The following PIBF1 variants were observed in gnomAD, a reference collection of about 807,000 sequenced individuals.
The protein encoded by PIBF1 is progesterone-induced-blocking factor 1.
In PIBF1, 90 loss-of-function variants were observed where a neutral mutation model predicts 112.5. The ratio of observed to expected loss-of-function variants is 0.80; its 90% CI spans 0.67 to 0.95. The LOEUF (loss-of-function observed/expected upper bound fraction) is 0.95. Among genes scored for constraint, PIBF1 ranks in the 40% least tolerant of loss-of-function variants. PIBF1 has a pLI of 0.00. For missense variants in PIBF1, 915 were observed against 852.3 expected (o/e 1.07, Z -0.92); for synonymous variants, 301 against 288.6 (o/e 1.04, Z -0.44).
intron 17 of PIBF1, among the ~76,000 whole-genome samples, chr13:73,013,782 G>A (rs1358448623): frequency 2.0e-5 from 3 of 149,498 alleles, no homozygotes; most frequent in Non-Finnish European, 3.0e-5. Flanking sequence ...AAAGAAGCCC[G>A]AGGAAAATAA....
chr13:72,870,035 G>T (rs1035190946), intron 10 of PIBF1, among the ~76,000 whole-genome samples: 4 of 151,904 alleles, frequency 2.6e-5, no homozygotes, highest in Non-Finnish European at 5.9e-5. Flanking sequence ...ATTTTTAATT[G>T]CAGATACCAT....
At chr13:72,890,295 A>G (rs2040010626) in intron 10 of PIBF1, among the ~76,000 whole-genome samples, 1 of 152,074 alleles carries the variant, frequency 6.6e-6, no homozygotes, top group South Asian at 2.1e-4. Context: ...AGTTTAATTC[A>G]TCCTAGCCTG....
chr13:72,950,686 A>G (rs1334597172), intron 14 of PIBF1, among the ~76,000 whole-genome samples: 1 of 152,194 alleles, frequency 6.6e-6, no homozygotes, highest in African/African-American at 2.4e-5. Flanking sequence ...CATTCTTTCA[A>G]CAAATATTTA....
intron 13 of PIBF1, among the ~76,000 whole-genome samples, chr13:72,918,122 C>A (rs147068570): frequency 1.3e-5 from 2 of 152,148 alleles, no homozygotes; most frequent in Admixed American, 1.3e-4. Context: ...AAACATCTCA[C>A]GGCCCCATTC....
chr13:72,852,845 A>AAAAAGCCAG (rs1353970684), intron 9 of PIBF1, among the ~76,000 whole-genome samples: 2 of 152,206 alleles, frequency 1.3e-5, no homozygotes, highest in East Asian at 3.9e-4. Context: ...GGCATGATGT[A>AAAAAGCCAG]AAAAGCCCTG....
intron 16 of PIBF1, among the ~76,000 whole-genome samples, chr13:72,988,918 A>T (rs554375938): frequency 6.6e-6 from 1 of 152,212 alleles, no homozygotes; most frequent in African/African-American, 2.4e-5. Flanking sequence ...CACCCTTGTA[A>T]TCCCAGGTAC....
chr13:72,993,141 G>A (rs1178378170), intron 16 of PIBF1, among the ~76,000 whole-genome samples: 3 of 151,884 alleles, frequency 2.0e-5, no homozygotes, highest in Non-Finnish European at 2.9e-5. Flanking sequence ...GCAACATGGC[G>A]AAACCCCATT....
At chr13:72,945,244 A>G (rs773302661) in intron 14 of PIBF1, among the ~76,000 whole-genome samples, 21 of 152,190 alleles carry the variant, frequency 1.4e-4, no homozygotes, top group African/African-American at 5.1e-4. Context: ...TTATTGCTGC[A>G]TAGTATCCCA....
At chr13:72,795,027 ATTACT>A (rs1235906099) in intron 3 of PIBF1, among the ~76,000 whole-genome samples, 3 of 152,212 alleles carry the variant, frequency 2.0e-5, no homozygotes, top group Admixed American at 6.5e-5. Flanking sequence ...GGAAATGAAA[ATTACT>A]TTAATAAGTA....
At chr13:72,994,755 A>G (rs772870902) in intron 16 of PIBF1, among the ~76,000 whole-genome samples, 3 of 152,212 alleles carry the variant, frequency 2.0e-5, no homozygotes, top group Non-Finnish European at 4.4e-5. Context: ...GGTTAGAAGC[A>G]AAGCAGAGGG....
intron 4 of PIBF1, among the ~76,000 whole-genome samples, chr13:72,797,702 G>T (rs2035262311): frequency 6.6e-6 from 1 of 152,128 alleles, no homozygotes; most frequent in Admixed American, 6.5e-5. Context: ...AAAGGTAAGA[G>T]GTTATAAATC....
In PIBF1 at chr13:72,796,387, T is replaced by C. The variant is rs190320454; in HGVS notation, c.552+830T>C. On this transcript the variant is annotated intron_variant, in intron 4 of 17. Coordinates refer to ENST00000326291, the MANE Select transcript of PIBF1 (RefSeq NM_006346.4). ...GAACTGCTGCTTTTTAATATGTAGA[T>C]GTCATTTTACCCTGAGAGGCTTGAA... Among the ~76,000 whole-genome samples, 154 of 152,306 alleles carry C rather than the reference T, an allele frequency of 1.0e-3. No homozygotes were observed. The Middle Eastern group carries it at 0.027, about 27-fold the overall frequency.
chr13:72,871,760 A>C (rs1594095532), intron 10 of PIBF1, among the ~76,000 whole-genome samples: 1 of 152,208 alleles, frequency 6.6e-6, no homozygotes, highest in South Asian at 2.1e-4. Context: ...AAACCTTATC[A>C]GAGTTCTACG....
intron 14 of PIBF1, among the ~76,000 whole-genome samples, chr13:72,964,576 G>A (rs2042690681): frequency 6.6e-6 from 1 of 152,016 alleles, no homozygotes; most frequent in Admixed American, 6.6e-5. Context: ...GGAATATGAA[G>A]AAATGAAAAA....
chr13:73,013,679 G>A (rs2044288202), intron 17 of PIBF1, among the ~76,000 whole-genome samples: 1 of 141,672 alleles, frequency 7.1e-6, no homozygotes, highest in Non-Finnish European at 1.5e-5. Flanking sequence ...TGAGGCTACA[G>A]TTAGCCATGA....
At chr13:72,849,260 T>C (rs1339843348) in intron 9 of PIBF1, among the ~76,000 whole-genome samples, 1 of 152,212 alleles carries the variant, frequency 6.6e-6, no homozygotes, top group Non-Finnish European at 1.5e-5. Context: ...GATGACATAT[T>C]CAGATTTTTG....
intron 10 of PIBF1, among the ~76,000 whole-genome samples, chr13:72,869,973 TATTA>T (rs2039094461): frequency 6.6e-6 from 1 of 152,332 alleles, no homozygotes; most frequent in African/African-American, 2.4e-5. Context: ...TTTTTCTTTT[TATTA>T]ATTTTGTTTG....
intron 1 of PIBF1, among the ~76,000 whole-genome samples, chr13:72,782,608 T>G (rs1236187783): frequency 6.6e-6 from 1 of 152,186 alleles, no homozygotes; most frequent in African/African-American, 2.4e-5. Context: ...TTAGAAAAAC[T>G]GAAATATTTA....
intron 16 of PIBF1, among the ~76,000 whole-genome samples, chr13:72,993,248 C>T (rs1044932654): frequency 5.3e-5 from 8 of 151,902 alleles, no homozygotes; most frequent in African/African-American, 1.9e-4. Flanking sequence ...TCGCTTGAGC[C>T]CAGGAGGCGG....
Sources: allele counts gnomAD v4.1 joint callset (sites outside exome capture counted in the v4.1 genomes callset), GRCh38; gene constraint gnomAD v4.1.1; transcripts MANE v1.5; gene names NCBI Gene and HGNC (gene_info 2026-07-23, HGNC 2026-07-21).